EXOC7: variants seen among roughly 807,000 people sequenced by gnomAD.
EXOC7 encodes exocyst complex component 7.
Under a neutral mutation model 87.6 loss-of-function variants are expected in EXOC7, and 51 were observed. That is an observed-to-expected ratio of 0.58 (90% confidence interval 0.46 to 0.73). The LOEUF (loss-of-function observed/expected upper bound fraction) is 0.73, where lower values mean the gene tolerates loss of function less well. Among genes scored for constraint, EXOC7 ranks in the 30% least tolerant of loss-of-function variants. EXOC7 has a pLI of 0.00. For synonymous variants in EXOC7, 327 were observed against 357.1 expected, an observed-to-expected ratio of 0.92 and a Z score of 0.95; for missense variants, 744 against 888.4, an observed-to-expected ratio of 0.84 and a Z score of 2.07.
At chr17:76,090,416 C>T in intron 7 of EXOC7, 1 of 1,551,698 alleles carries the variant, frequency 6.4e-7, no homozygotes, top group Non-Finnish European at 8.7e-7. Context: ...ATGTCGGCCG[C>T]ACAAACACAA....
At position 76,082,816 on chromosome 17, in the gene EXOC7, A is replaced by G. The variant is rs368528492; in HGVS notation, c.*832T>C. On this transcript the variant is annotated 3_prime_UTR_variant, in exon 19 of 19. Transcript: ENST00000589210. ...CCCATCTCCAGTGCAAGTGTGCCTCAAGGGTCAGTCTTCAATCTCGTCCTA... is the reference window on the plus strand; with the variant it reads ...CCCATCTCCAGTGCAAGTGTGCCTCGAGGGTCAGTCTTCAATCTCGTCCTA... 1 of 638,834 alleles carries G rather than the reference A, an allele frequency of 1.6e-6. No homozygotes were observed. Among genetic ancestry groups the G allele is most frequent in the Non-Finnish European group, 2.4e-6 (1 of 413,806 alleles). The allele number at this position is 638,834 out of a possible 1,614,324, so 39.6% of individuals were successfully genotyped here. A position where few individuals can be genotyped will look rare whatever the true frequency, so the allele number is the denominator to read the frequency against.
intron 7 of EXOC7, chr17:76,090,195 G>A (rs2067410983): frequency 1.0e-6 from 1 of 993,004 alleles, no homozygotes; most frequent in East Asian, 2.6e-5. Context: ...AGAGAGAGTG[G>A]AGAGAGAGGC....
intron 4 of EXOC7, among the ~76,000 whole-genome samples, chr17:76,099,098 G>A (rs1435249321): frequency 6.6e-6 from 1 of 151,572 alleles, no homozygotes; most frequent in Non-Finnish European, 1.5e-5. Context: ...AAACATAAAA[G>A]AGAATGAATC....
At chr17:76,099,513 A>G (rs1772862304) in intron 4 of EXOC7, among the ~76,000 whole-genome samples, 1 of 152,148 alleles carries the variant, frequency 6.6e-6, no homozygotes, top group African/African-American at 2.4e-5. Flanking sequence ...GTCTCAAAAA[A>G]CAAAACAAAA....
In EXOC7 at chr17:76,091,152, G is replaced by T; in HGVS notation, c.892C>A (p.Pro298Thr). 6.2e-7 allele frequency: 1 copy of T among 1,613,700 alleles called. No individual in the cohort carries two copies. The highest frequency in any genetic ancestry group is 2.2e-5 in the East Asian group (1 of 44,882). Reference sequence around the variant, plus strand: ...AACACAGGGTGATTACCTTCCAGAGGAATGAGGTTAGAGCCCCCCTTTTTC... The same window carrying T: ...AACACAGGGTGATTACCTTCCAGAGTAATGAGGTTAGAGCCCCCCTTTTTC... Reference protein sequence around the residue: ...DGKKGGSNLIPLEGRDDMLDV... With the variant: ...DGKKGGSNLITLEGRDDMLDV... Residue 298 changes from proline (P) to threonine (T), a missense_variant, in exon 7 of 19, where the codon CCT (proline) becomes ACT (threonine). Coordinates refer to ENST00000589210, the MANE Select transcript of EXOC7 (RefSeq NM_001013839.4).
In EXOC7 at chr17:76,088,824, G is replaced by C. The variant is rs746885891; in HGVS notation, c.1147C>G (p.Pro383Ala). The change falls in exon 9 of 19, where the codon CCC becomes GCC. Residue 383 changes from proline to alanine, a missense_variant. Transcript: ENST00000589210. Reference protein sequence around the residue: ...HDFSTVLTVFPILRHLKQTKP... With the variant: ...HDFSTVLTVFAILRHLKQTKP... Reference sequence around the variant, plus strand: ...GTCTGCTTGAGGTGTCGCAGGATGGGGAAGACGGTGAGCACCGTGGAGAAG... The same window carrying C: ...GTCTGCTTGAGGTGTCGCAGGATGGCGAAGACGGTGAGCACCGTGGAGAAG... 6.2e-7 allele frequency: 1 copy of C among 1,613,906 alleles called. No individual in the cohort carries two copies. Among genetic ancestry groups the C allele is most frequent in the East Asian group, 2.2e-5 (1 of 44,874 alleles).
intron 1 of EXOC7, 85 bp downstream of exon 1, chr17:76,103,548 T>C: frequency 7.5e-7 from 1 of 1,340,192 alleles, no homozygotes; most frequent in Non-Finnish European, 9.9e-7. Flanking sequence ...CTCCCACCCC[T>C]GCCTCCTCCA....
chr17:76,094,685 GC>G, intron 5 of EXOC7, 104 bp from the exon 6 acceptor site: 2 of 1,160,662 alleles, frequency 1.7e-6, no homozygotes, highest in Non-Finnish European at 2.4e-6. Flanking sequence ...CTTAGCATCT[GC>G]TCCCTGCTCT....
At position 76,081,399 on chromosome 17, in the gene EXOC7, G is replaced by C. The variant is rs201632789; in HGVS notation, c.*2249C>G. 1 of 1,614,104 alleles carries C rather than the reference G, an allele frequency of 6.2e-7. No individual in the cohort carries two copies. The highest frequency in any genetic ancestry group is 2.2e-5 in the East Asian group (1 of 44,878). ...AGCAGCTGGTGCCCTGCTTCCAGGT[G>C]ACGGTGAGTCAAGTCGGGAGGAGGC... On this transcript the variant is annotated 3_prime_UTR_variant, in exon 19 of 19. Transcript: ENST00000589210.
chr17:76,094,373 GC>G, intron 6 of EXOC7, 40 bp downstream of exon 6: 1 of 1,591,796 alleles, frequency 6.3e-7, no homozygotes, highest in Non-Finnish European at 8.6e-7. Context: ...GTCCCAGTCA[GC>G]CTCTGGCTGT....
At chr17:76,090,184 G>A (rs2067410579) in intron 7 of EXOC7, 1 of 924,528 alleles carries the variant, frequency 1.1e-6, no homozygotes, top group Non-Finnish European at 1.6e-6. Context: ...AGGCCCAAAA[G>A]AGAGAGAGTG....
chr17:76,090,350 C>T (rs1404471718), intron 7 of EXOC7: 2 of 1,551,484 alleles, frequency 1.3e-6, no homozygotes, highest in South Asian at 1.2e-5. Context: ...CCGTGCTTGT[C>T]GTTCAAGGCC....
In EXOC7 at chr17:76,088,851, C is replaced by T; in HGVS notation, c.1120G>A (p.Asp374Asn). 4 of 1,613,846 alleles carry T rather than the reference C, an allele frequency of 2.5e-6. No individual in the cohort carries two copies. The highest frequency in any genetic ancestry group is 2.2e-5 in the East Asian group (1 of 44,864). The change falls in exon 9 of 19, where the codon GAC (aspartate) becomes AAC (asparagine). Residue 374 changes from aspartate to asparagine, a missense_variant. Physicochemically the swap from Asp to Asn is conservative, Grantham distance 23 (BLOSUM62 1). Around this residue, in one of 3 missense-constraint regions of EXOC7, gnomAD observed 512 missense variants for 573.0 expected, o/e 0.89. Transcript: ENST00000589210. ...SAARKAIVRH[D>N]FSTVLTVFPI... ...AAGACGGTGAGCACCGTGGAGAAGT[C>T]GTGTCGCACAATGGCCTTCCGGGCA...
At chr17:76,102,311 A>G (rs1013922090) in intron 2 of EXOC7, among the ~76,000 whole-genome samples, 1 of 152,108 alleles carries the variant, frequency 6.6e-6, no homozygotes, top group Admixed American at 6.5e-5. Context: ...GTGATGGTTC[A>G]TGCCTGTAAT....
intron 3 of EXOC7, 37 bp from the exon 4 acceptor site, chr17:76,101,413 G>A (rs761760409): frequency 4.3e-6 from 7 of 1,611,564 alleles, no homozygotes; most frequent in South Asian, 2.2e-5. Context: ...CTGGGGCATG[G>A]GGGATGAAGA....
chr17:76,090,903 G>A, intron 7 of EXOC7: 2 of 579,492 alleles, frequency 3.5e-6, no homozygotes, highest in Non-Finnish European at 6.2e-6. Context: ...ACAGAGACAG[G>A]GAAGGGAGGA....
intron 7 of EXOC7, among the ~76,000 whole-genome samples, chr17:76,090,143 C>T (rs946996656): frequency 6.6e-6 from 1 of 152,246 alleles, no homozygotes; most frequent in Admixed American, 6.5e-5. Flanking sequence ...GACAGGCACG[C>T]ACTCCCATCT....
intron 7 of EXOC7, chr17:76,089,606 G>A (rs1028473865): frequency 6.1e-6 from 3 of 492,736 alleles, no homozygotes; most frequent in African/African-American, 1.9e-5. Context: ...AAGATAAGGA[G>A]GGAAGATTCC....
In EXOC7 at chr17:76,082,920, C is replaced by T. The variant is rs1390934311; in HGVS notation, c.*728G>A. The T allele has an allele frequency of 1.6e-5, 5 of 315,130 alleles. No homozygotes were observed. The highest frequency in any genetic ancestry group is 2.9e-5 in the Non-Finnish European group (5 of 172,426). The allele number at this position is 315,130 out of a possible 1,614,324, so 19.5% of individuals were successfully genotyped here. A position where few individuals can be genotyped will look rare whatever the true frequency, so the allele number is the denominator to read the frequency against. On this transcript the variant is annotated 3_prime_UTR_variant, in exon 19 of 19. Transcript: ENST00000589210. The stretch of plus-strand genomic sequence containing the variant: ...TCCCCATTGTCCCTGTCTCCCAGCC[C>T]ACAGGCAGGCAGCCTAATTGCTCCT...
Sources: allele counts gnomAD v4.1 joint callset (sites outside exome capture counted in the v4.1 genomes callset), GRCh38; gene constraint gnomAD v4.1.1; regional missense constraint gnomAD v4.1.1; transcripts MANE v1.5; gene names NCBI Gene and HGNC (gene_info 2026-07-23, HGNC 2026-07-21).